PDS5B: variants seen among roughly 807,000 people sequenced by gnomAD.
PDS5B encodes the protein PDS5 cohesin associated factor B, also known as sister chromatid cohesion protein PDS5 homolog B.
PDS5B carries 51 observed loss-of-function variants against 184.1 expected under a neutral mutation model. The observed-to-expected ratio is 0.28, with a 90% CI of 0.22 to 0.35. PDS5B has a LOEUF of 0.35. PDS5B is among the 10% of genes least tolerant of loss of function. The pLI is 1.00. For synonymous variants in PDS5B, 566 were observed against 569.2 expected (o/e 0.99, Z 0.08); for missense variants, 1,180 against 1,723.3 (o/e 0.68, Z 5.58).
At chr13:32,615,613 T>C (rs1228749813) in intron 1 of PDS5B, among the ~76,000 whole-genome samples, 1 of 152,152 alleles carries the variant, frequency 6.6e-6, no homozygotes, top group African/African-American at 2.4e-5. Flanking sequence ...TTAGAGACAC[T>C]TATTGAACTT....
Position 32,700,065 on chromosome 13 carries a change from A to T in PDS5B, c.1740+196A>T, listed in dbSNP as rs139993534. Among the ~76,000 whole-genome samples the T allele has an allele frequency of 2.6e-5, 4 of 152,310 alleles. No individual in the cohort carries two copies. The East Asian group carries it at 7.7e-4, about 29-fold the overall frequency. ...GTCCTTCTAAAATGAGATATTATACATACAGTTTTGTACATTTTACTTTTT... is the reference window on the plus strand; with the variant it reads ...GTCCTTCTAAAATGAGATATTATACTTACAGTTTTGTACATTTTACTTTTT... On this transcript the variant is annotated intron_variant, in intron 16 of 34. Coordinates refer to ENST00000315596, the MANE Select transcript of PDS5B (RefSeq NM_015032.4).
intron 18 of PDS5B, among the ~76,000 whole-genome samples, chr13:32,709,133 G>A (rs1952120396): frequency 6.6e-6 from 1 of 151,768 alleles, no homozygotes. Flanking sequence ...ACTTATAAAT[G>A]TGGCATTATA....
intron 1 of PDS5B, among the ~76,000 whole-genome samples, chr13:32,628,387 C>G (rs2058401668): frequency 6.6e-6 from 1 of 151,872 alleles, no homozygotes; most frequent in Non-Finnish European, 1.5e-5. Context: ...AACCCCGTCT[C>G]TACAAAAAAT....
intron 7 of PDS5B, among the ~76,000 whole-genome samples, chr13:32,672,932 A>G (rs1388501579): frequency 6.6e-6 from 1 of 152,228 alleles, no homozygotes. Flanking sequence ...TGCACAAATA[A>G]TATAGGATAG....
chr13:32,658,667 C>T, intron 5 of PDS5B, 136 bp downstream of exon 5: 1 of 545,860 alleles, frequency 1.8e-6, no homozygotes, highest in South Asian at 2.7e-5. Context: ...TATTTTTATA[C>T]ATGTTTCAAA....
At chr13:32,598,690 A>C (rs1463821404) in intron 1 of PDS5B, among the ~76,000 whole-genome samples, 1 of 151,896 alleles carries the variant, frequency 6.6e-6, no homozygotes, top group Non-Finnish European at 1.5e-5. Context: ...CATTACTTTA[A>C]ATATATCTAT....
intron 3 of PDS5B, among the ~76,000 whole-genome samples, chr13:32,657,580 A>G (rs184532811): frequency 9.9e-5 from 15 of 152,276 alleles, no homozygotes; most frequent in Admixed American, 7.8e-4. Context: ...TAATATTGGT[A>G]TGTGCTGGTT....
intron 10 of PDS5B, among the ~76,000 whole-genome samples, chr13:32,681,781 A>T (rs190346198): frequency 1.8e-4 from 27 of 152,218 alleles, no homozygotes; most frequent in African/African-American, 5.5e-4. Context: ...TGTGAACCTT[A>T]TACTGTAGTG....
Position 32,600,030 on chromosome 13 carries a change from CTG to C in PDS5B, c.-20+13439_-20+13440del, listed in dbSNP as rs577295418. Among the ~76,000 whole-genome samples, 1,096 of 152,194 alleles carry C rather than the reference CTG, an allele frequency of 7.2e-3. 12 individuals carry two copies. The highest frequency in any genetic ancestry group is 0.025 in the African/African-American group (1,052 of 41,516). On this transcript the variant is annotated intron_variant, in intron 1 of 34. Transcript: ENST00000315596. ...CATGAGTATGTATTAATTTTTTTCT[CTG>C]TTTTTCAGAGACTCTTTTAAATGTT...
chr13:32,732,011 C>A, intron 19 of PDS5B, 90 bp from the exon 20 acceptor site: 1 of 1,085,058 alleles, frequency 9.2e-7, no homozygotes, highest in Non-Finnish European at 1.3e-6. Context: ...CCTTGTAAAT[C>A]ATTACTTAAA....
chr13:32,755,148 A>G (rs1219935582), intron 25 of PDS5B, among the ~76,000 whole-genome samples: 2 of 152,140 alleles, frequency 1.3e-5, no homozygotes, highest in Non-Finnish European at 2.9e-5. Context: ...TTATATTTTT[A>G]TTTGGCAAAT....
chr13:32,602,546 G>A (rs557533935), intron 1 of PDS5B, among the ~76,000 whole-genome samples: 50 of 152,180 alleles, frequency 3.3e-4, no homozygotes, highest in African/African-American at 8.2e-4. Context: ...GAATAGTGCC[G>A]CAATAAACAT....
In PDS5B at chr13:32,586,607, C is replaced by T. The variant is rs2057678769; in HGVS notation, c.-20+14C>T. ...GGCAACCCGGAGGTAGGAAACAATT[C>T]AGTTAACGGAAAGAAAATGTCTCTC... On this transcript the variant is annotated intron_variant, in intron 1 of 34. Transcript: ENST00000315596. 1 of 151,942 alleles carries T rather than the reference C, an allele frequency of 6.6e-6. No homozygotes were observed. Among genetic ancestry groups the T allele is most frequent in the African/African-American group, 2.4e-5 (1 of 41,266 alleles). The allele number at this position is 151,942 out of a possible 1,614,324, so 9.4% of individuals were successfully genotyped here. A position where few individuals can be genotyped will look rare whatever the true frequency, so the allele number is the denominator to read the frequency against.
chr13:32,597,845 A>G (rs1405141791), intron 1 of PDS5B, among the ~76,000 whole-genome samples: 1 of 143,484 alleles, frequency 7.0e-6, no homozygotes, highest in Non-Finnish European at 1.5e-5. Context: ...CTCTGTCTCA[A>G]AAAAAAAAAA....
intron 10 of PDS5B, 139 bp downstream of exon 10, chr13:32,679,068 C>A (rs1335131024): frequency 8.5e-6 from 4 of 471,724 alleles, no homozygotes; most frequent in Non-Finnish European, 1.1e-5. Flanking sequence ...GGAAGTTGTT[C>A]TCTGAAGCTA....
intron 1 of PDS5B, among the ~76,000 whole-genome samples, chr13:32,634,035 C>T (rs9315172): frequency 0.3 from 46,374 of 152,058 alleles, 8,585 homozygotes; most frequent in Non-Finnish European, 0.42. Flanking sequence ...GTTATATCCT[C>T]TCTTCAAATA....
intron 1 of PDS5B, among the ~76,000 whole-genome samples, chr13:32,646,008 G>A (rs1950213127): frequency 6.6e-6 from 1 of 151,598 alleles, no homozygotes; most frequent in Admixed American, 6.6e-5. Flanking sequence ...GTGGTGTGTG[G>A]TGTGTGGTGT....
At chr13:32,622,762 A>G (rs1278597291) in intron 1 of PDS5B, among the ~76,000 whole-genome samples, 2 of 151,964 alleles carry the variant, frequency 1.3e-5, no homozygotes, top group East Asian at 3.8e-4. Context: ...TCATTTTGTG[A>G]TGGCTTCTGT....
intron 13 of PDS5B, chr13:32,690,576 A>G (rs1257434451): frequency 1.3e-5 from 2 of 152,180 alleles, no homozygotes; most frequent in Non-Finnish European, 2.9e-5. Flanking sequence ...AATTAATGAA[A>G]ACTTTAATAC....
Sources: gnomAD v4.1 joint callset for allele counts (sites outside exome capture counted in the v4.1 genomes callset) on GRCh38, gnomAD v4.1.1 for gene constraint, MANE v1.5 for transcripts, NCBI Gene and HGNC (gene_info 2026-07-23, HGNC 2026-07-21) for gene names.